The following VPS25 variants were observed in gnomAD, a reference collection of about 807,000 sequenced individuals.
VPS25 encodes the protein vacuolar protein-sorting-associated protein 25.
In VPS25, 21 loss-of-function variants were observed where a neutral mutation model predicts 30.3. The observed-to-expected ratio is 0.69, with a 90% CI of 0.49 to 1.00. The LOEUF (loss-of-function observed/expected upper bound fraction) is 1.00, where lower values mean the gene tolerates loss of function less well. VPS25 is among the 50% of genes least tolerant of loss of function. The pLI is 0.00. For missense variants in VPS25, 156 were observed against 217.2 expected (o/e 0.72, Z 1.77); for synonymous variants, 101 against 88.1 (o/e 1.15, Z -0.82).
At chr17:42,773,695 G>T (rs998799856) in intron 1 of VPS25, 38 bp from the exon 2 acceptor site, 16 of 1,607,360 alleles carry the variant, frequency 1.0e-5, no homozygotes, top group Non-Finnish European at 1.4e-5. Context: ...GCTGCCTCCC[G>T]CCCTCTAATT....
chr17:42,776,133 T>G, intron 4 of VPS25, 112 bp from the exon 5 acceptor site: 1 of 904,246 alleles, frequency 1.1e-6, no homozygotes, highest in Non-Finnish European at 1.7e-6. Context: ...CGACAGTGAG[T>G]CCTGGTTTGG....
intron 3 of VPS25, 198 bp from the exon 4 acceptor site, chr17:42,775,183 T>A (rs2143962960): frequency 1.9e-6 from 1 of 537,530 alleles, no homozygotes; most frequent in Non-Finnish European, 3.3e-6. Context: ...AGTTGAGACC[T>A]CAGGCATGTG....
intron 3 of VPS25, 67 bp downstream of exon 3, chr17:42,774,766 T>C (rs2143962610): frequency 1.4e-6 from 2 of 1,433,342 alleles, no homozygotes; most frequent in Admixed American, 3.6e-5. Flanking sequence ...CAAATTAGGA[T>C]AAGTCTTTTT....
Position 42,775,524 on chromosome 17 carries a change from ATAT to A in VPS25, c.342+58_342+60del, listed in dbSNP as rs1393571166. 10 of 1,440,936 alleles carry A rather than the reference ATAT, an allele frequency of 6.9e-6. No individual in the cohort carries two copies. The African/African-American group carries it at 1.3e-4, about 18-fold the overall frequency. The allele number at this position is 1,440,936 out of a possible 1,614,324, so 89.3% of individuals were successfully genotyped here. On this transcript the variant is annotated intron_variant, in intron 4 of 5. Coordinates refer to ENST00000253794, the MANE Select transcript of VPS25 (RefSeq NM_032353.4). Reference sequence around the variant, plus strand: ...CAGTGACCCATGGAAAAGGTTAACTATATTAGGGCCTAGCAGATAGCCGGTGTT... The same window carrying A: ...CAGTGACCCATGGAAAAGGTTAACTATAGGGCCTAGCAGATAGCCGGTGTT...
Position 42,779,118 on chromosome 17 carries a change from TC to T in VPS25, c.*50del. 6.5e-7 allele frequency: 1 copy of T among 1,540,922 alleles called. No homozygotes were observed. The highest frequency in any genetic ancestry group is 8.9e-7 in the Non-Finnish European group (1 of 1,125,832). On this transcript the variant is annotated 3_prime_UTR_variant, in exon 6 of 6. Transcript: ENST00000253794. The stretch of plus-strand genomic sequence containing the variant: ...CTTACCTCCCACCTTTCCAGGGCTT[TC>T]AAAAGGAGACAGACCCAGTGTCCCC...
intron 5 of VPS25, among the ~76,000 whole-genome samples, chr17:42,777,979 A>G (rs944633034): frequency 6.6e-6 from 1 of 151,948 alleles, no homozygotes; most frequent in Non-Finnish European, 1.5e-5. Context: ...CCATCACCCC[A>G]TGATTTCAGC....
At chr17:42,775,736 A>G (rs950175499) in intron 4 of VPS25, among the ~76,000 whole-genome samples, 2 of 152,120 alleles carry the variant, frequency 1.3e-5, no homozygotes, top group Admixed American at 1.3e-4. Context: ...CCTGAGTGCT[A>G]TTGTTGGCTG....
intron 4 of VPS25, 49 bp from the exon 5 acceptor site, chr17:42,776,196 C>T (rs2054434383): frequency 6.6e-7 from 1 of 1,521,094 alleles, no homozygotes; most frequent in Admixed American, 1.7e-5. Context: ...TTTACTGTCT[C>T]CCAGGAGATT....
chr17:42,776,374 T>C, intron 5 of VPS25, 54 bp downstream of exon 5: 1 of 1,552,994 alleles, frequency 6.4e-7, no homozygotes, highest in Non-Finnish European at 8.8e-7. Context: ...TTTTGTTTTG[T>C]TTTTCCGATA....
At chr17:42,774,311 A>C (rs1007656271) in intron 2 of VPS25, 4 of 296,246 alleles carry the variant, frequency 1.4e-5, no homozygotes, top group Non-Finnish European at 2.5e-5. Flanking sequence ...AGGCTGAAGG[A>C]AGGCAACAGA....
chr17:42,778,961 C>T lies in VPS25; in HGVS notation c.423C>T (p.Phe141=), dbSNP rs780793262. 6.2e-7 allele frequency: 1 copy of T among 1,613,926 alleles called. No individual in the cohort carries two copies. The highest frequency in any genetic ancestry group is 2.2e-5 in the East Asian group (1 of 44,880). ...TGCCTATCTCTCCCTGTTCAGAGTT[C>T]CACGGGCTGGATGAAGCCACTCTAC... ...TNGEDTEDEE[F]HGLDEATLLR... The change falls in exon 6 of 6, where the codon TTC becomes TTT. Residue 141 remains phenylalanine, a synonymous_variant. Transcript: ENST00000253794.
rs539519462 is a variant in VPS25, at chr17:42,777,665, T to C, written c.419-1292T>C. Among the ~76,000 whole-genome samples the C allele has an allele frequency of 1.8e-4, 28 of 152,338 alleles. 1 individual carries two copies. The highest frequency in any genetic ancestry group is 1.8e-3 in the Admixed American group (27 of 15,306). Reference sequence around the variant, plus strand: ...GGCTCTCTTTCACCCTTTATTCTTATAGAGGGCTCAAGATCTGTGGGTGTC... The same window carrying C: ...GGCTCTCTTTCACCCTTTATTCTTACAGAGGGCTCAAGATCTGTGGGTGTC... On this transcript the variant is annotated intron_variant, in intron 5 of 5. Transcript: ENST00000253794.
intron 4 of VPS25, 43 bp from the exon 5 acceptor site, chr17:42,776,202 A>C: frequency 6.5e-7 from 1 of 1,544,536 alleles, no homozygotes; most frequent in Non-Finnish European, 8.9e-7. Flanking sequence ...GTCTCCCAGG[A>C]GATTCTTGGT....
In VPS25 at chr17:42,773,799, C is replaced by T; in HGVS notation, c.120C>T (p.Phe40=). 1 of 1,614,188 alleles carries T rather than the reference C, an allele frequency of 6.2e-7. No individual in the cohort carries two copies. Residue 40 remains phenylalanine (F), a synonymous_variant, in exon 2 of 6, where the codon TTC becomes TTT. Transcript: ENST00000253794. ...CCTGGTGCTCGCTGGTCCTGTCCTT[C>T]TGCCGCCTGCACAAACAGTCCAGCA... is the stretch of plus-strand genomic sequence containing the variant. ...LAAWCSLVLS[F]CRLHKQSSMT...
In VPS25 at chr17:42,773,784, G is replaced by A; in HGVS notation, c.105G>A (p.Ser35=). The change falls in exon 2 of 6, where the codon TCG becomes TCA. Residue 35 remains serine, a synonymous_variant. Coordinates refer to ENST00000253794, the MANE Select transcript of VPS25 (RefSeq NM_032353.4). ...AGAAGCAGCTGGCCGCCTGGTGCTC[G>A]CTGGTCCTGTCCTTCTGCCGCCTGC... The part of the protein sequence containing the change: ...TRQKQLAAWC[S]LVLSFCRLHK... The A allele has an allele frequency of 6.2e-7, 1 of 1,614,084 alleles. No individual in the cohort carries two copies. The highest frequency in any genetic ancestry group is 8.5e-7 in the Non-Finnish European group (1 of 1,180,034).
At chr17:42,776,216 A>G (rs2054434553) in intron 4 of VPS25, 29 bp from the exon 5 acceptor site, 2 of 1,598,656 alleles carry the variant, frequency 1.3e-6, no homozygotes, top group Admixed American at 1.7e-5. Context: ...TCTTGGTTCT[A>G]ATTCACTCCT....
chr17:42,778,697 A>C (rs965910950), intron 5 of VPS25, among the ~76,000 whole-genome samples: 2 of 152,210 alleles, frequency 1.3e-5, no homozygotes, highest in African/African-American at 4.8e-5. Context: ...TCAGACACAA[A>C]TGCTAGGTGT....
In VPS25 at chr17:42,774,687, C is replaced by T. The variant is rs200502416; in HGVS notation, c.241C>T (p.Leu81=). 4.0e-5 allele frequency: 65 copies of T among 1,612,754 alleles called. No individual in the cohort carries two copies. The highest frequency in any genetic ancestry group is 5.5e-5 in the Non-Finnish European group (65 of 1,178,982). The change falls in exon 3 of 6, where the codon CTG becomes TTG. Residue 81 remains leucine (L), a synonymous_variant. Coordinates refer to ENST00000253794, the MANE Select transcript of VPS25 (RefSeq NM_032353.4). ...VESIQIVLEE[L]RKKGNLEWLD... ...GTCGATCCAGATTGTATTAGAGGAA[C>T]TGAGGAAGAAAGGTGGGTTCAGTTC...
At position 42,778,870 on chromosome 17, in the gene VPS25, G is replaced by A. The variant is rs61754306; in HGVS notation, c.419-87G>A. The A allele has an allele frequency of 2.3e-3, 2,809 of 1,217,314 alleles. 36 individuals are homozygous for A. In the African/African-American group the frequency reaches 0.031, roughly 13 times the overall value. The allele number at this position is 1,217,314 out of a possible 1,614,324, so 75.4% of individuals were successfully genotyped here. A position where few individuals can be genotyped will look rare whatever the true frequency, so the allele number is the denominator to read the frequency against. The stretch of plus-strand genomic sequence containing the variant: ...ATGGCTTATGCATACCCTGCCTCTG[G>A]GAGGTCTCGGCTTCCAGCCAGAGCA... On this transcript the variant is annotated intron_variant, in intron 5 of 5. Transcript: ENST00000253794.
Sources: allele counts gnomAD v4.1 joint callset (sites outside exome capture counted in the v4.1 genomes callset), GRCh38; gene constraint gnomAD v4.1.1; transcripts MANE v1.5; gene names NCBI Gene and HGNC (gene_info 2026-07-23, HGNC 2026-07-21).